Variants in TMEM44 observed in about 807,000 individuals in gnomAD.
TMEM44 encodes transmembrane protein 44.
Under a neutral mutation model 47.8 loss-of-function variants are expected in TMEM44, and 43 were observed. That is an observed-to-expected ratio of 0.90 (90% CI 0.70 to 1.16). The LOEUF (loss-of-function observed/expected upper bound fraction) is 1.16. TMEM44 is among the 50% of genes most tolerant of loss of function. The pLI is 0.00. For synonymous variants in TMEM44, 277 were observed against 238.8 expected (o/e 1.16, Z -1.48); for missense variants, 568 against 555.2 (o/e 1.02, Z -0.23).
intron 1 of TMEM44, chr3:194,632,797 C>T: frequency 9.4e-6 from 4 of 425,232 alleles, no homozygotes; most frequent in East Asian, 5.3e-5. Context: ...GAGTCAATGG[C>T]GAAGGGCTGA....
At chr3:194,630,497 T>C (rs58227854) in intron 1 of TMEM44, among the ~76,000 whole-genome samples, 2 of 14,796 alleles carry the variant, frequency 1.4e-4, no homozygotes, top group Non-Finnish European at 2.4e-4. Context: ...TGAAATAGTA[T>C]GCTGTCGTAC....
chr3:194,616,730 C>T (rs1484799172), intron 6 of TMEM44: 1 of 392,904 alleles, frequency 2.5e-6, no homozygotes, highest in Admixed American at 3.2e-5. Context: ...TTAGTCTCCA[C>T]TAAAAATAAC....
chr3:194,603,984 G>A (rs1714463341), intron 9 of TMEM44, among the ~76,000 whole-genome samples: 1 of 152,032 alleles, frequency 6.6e-6, no homozygotes, highest in Admixed American at 6.6e-5. Context: ...CTCCTGGGTA[G>A]CTGGGATAAC....
intron 9 of TMEM44, among the ~76,000 whole-genome samples, chr3:194,600,288 G>A (rs1179413752): frequency 2.6e-5 from 4 of 151,198 alleles, no homozygotes; most frequent in Admixed American, 6.6e-5. Context: ...CAGTAGAGAC[G>A]GGGTTTGTAT....
intron 9 of TMEM44, among the ~76,000 whole-genome samples, chr3:194,601,524 G>C (rs2410964): frequency 0.49 from 74,705 of 151,840 alleles, 20,181 homozygotes; most frequent in East Asian, 0.77. Flanking sequence ...GGCTGGTCTC[G>C]AACTCCGATC....
At chr3:194,607,668 G>A (rs551063652) in intron 8 of TMEM44, among the ~76,000 whole-genome samples, 5 of 152,202 alleles carry the variant, frequency 3.3e-5, no homozygotes, top group South Asian at 2.1e-4. Context: ...CTCAGGAGTC[G>A]GCTGTGGGGC....
chr3:194,598,963 AAC>A (rs1187864646), intron 9 of TMEM44, among the ~76,000 whole-genome samples: 2 of 152,228 alleles, frequency 1.3e-5, no homozygotes, highest in African/African-American at 4.8e-5. Flanking sequence ...GTTGGTGAGT[AAC>A]AGACAGACAA....
chr3:194,621,972 A>G (rs1716589648), intron 5 of TMEM44, among the ~76,000 whole-genome samples: 1 of 152,338 alleles, frequency 6.6e-6, no homozygotes, highest in Middle Eastern at 3.4e-3. Flanking sequence ...TCGGCCTCCC[A>G]AAGTGCTGGC....
chr3:194,590,028 T>C (rs924609535), intron 9 of TMEM44: 3 of 152,216 alleles, frequency 2.0e-5, no homozygotes, highest in Non-Finnish European at 4.4e-5. Flanking sequence ...AGACGATCTA[T>C]TTGGACAAGA....
At chr3:194,633,046 G>GCCCGACAGCCGCCCGACAGCCC (rs768667230) in intron 1 of TMEM44, 33 bp downstream of exon 1, 14 of 1,544,672 alleles carry the variant, frequency 9.1e-6, no homozygotes, top group South Asian at 6.0e-5. Flanking sequence ...CCGTTTCCCC[G>GCCCGACAGCCGCCCGACAGCCC]CCCGACAGCC....
chr3:194,599,688 G>T (rs1713851474), intron 9 of TMEM44, among the ~76,000 whole-genome samples: 1 of 150,056 alleles, frequency 6.7e-6, no homozygotes, highest in South Asian at 2.1e-4. Context: ...GGGTTCAAGT[G>T]ATTCTCCTGC....
chr3:194,618,524 A>G (rs1257901532), intron 5 of TMEM44, among the ~76,000 whole-genome samples: 2 of 145,522 alleles, frequency 1.4e-5, no homozygotes, highest in African/African-American at 5.0e-5. Context: ...ATATTTATAT[A>G]ATTTAGTTTT....
Position 194,610,594 on chromosome 3 carries a change from T to C in TMEM44, c.1017+322A>G, listed in dbSNP as rs79544664. Among the ~76,000 whole-genome samples, 614 of 152,178 alleles carry C rather than the reference T, an allele frequency of 4.0e-3. 6 individuals carry two copies. The highest frequency in any genetic ancestry group is 0.021 in the South Asian group (100 of 4,814). ...GCCTCCCACCCCAGAACCCCAAACC[T>C]CTTTTTCTTGATTTAGCCTAATATG... is the stretch of plus-strand genomic sequence containing the variant. On this transcript the variant is annotated intron_variant, in intron 8 of 9. Coordinates refer to ENST00000347147, the MANE Select transcript of TMEM44 (RefSeq NM_001011655.3).
At chr3:194,595,761 G>A (rs1186910804) in intron 9 of TMEM44, among the ~76,000 whole-genome samples, 2 of 152,164 alleles carry the variant, frequency 1.3e-5, no homozygotes, top group Admixed American at 1.3e-4. Context: ...GAGTAGCTGG[G>A]ATTACAGGCG....
chr3:194,593,815 T>C (rs562909535), intron 9 of TMEM44, among the ~76,000 whole-genome samples: 1 of 152,230 alleles, frequency 6.6e-6, no homozygotes, highest in East Asian at 1.9e-4. Flanking sequence ...AAAAATCAAT[T>C]AATTAATTTT....
chr3:194,628,258 T>C, intron 2 of TMEM44, 125 bp downstream of exon 2: 1 of 1,312,236 alleles, frequency 7.6e-7, no homozygotes, highest in Non-Finnish European at 1.0e-6. Context: ...GCACAGGTTC[T>C]GAGGTGACAC....
At position 194,628,419 on chromosome 3, in the gene TMEM44, G is replaced by A. The variant is rs1307762772; in HGVS notation, c.228C>T (p.Thr76=). 3.1e-6 allele frequency: 5 copies of A among 1,612,676 alleles called. No individual in the cohort carries two copies. The highest frequency in any genetic ancestry group is 2.2e-5 in the East Asian group (1 of 44,864). The change falls in exon 2 of 10, where the codon ACC becomes ACT. Residue 76 remains threonine (T), a synonymous_variant. Transcript: ENST00000347147. The part of the protein sequence containing the change: ...ACCLLTSLCD[T]VGALLARQLT... ...GCTGTCTGGCCAGAAGAGCCCCGAC[G>A]GTGTCACACAGACTGGTCAGGAGGC...
intron 7 of TMEM44, among the ~76,000 whole-genome samples, chr3:194,615,150 G>A (rs571007099): frequency 1.3e-5 from 2 of 152,278 alleles, no homozygotes; most frequent in East Asian, 1.9e-4. Flanking sequence ...GCTGAGGCAG[G>A]AGAATTACTT....
intron 3 of TMEM44, 80 bp from the exon 4 acceptor site, chr3:194,623,775 T>C: frequency 6.4e-7 from 1 of 1,570,994 alleles, no homozygotes; most frequent in South Asian, 1.2e-5. Flanking sequence ...GAAGAACTGG[T>C]GTCAGCTCCC....
Sources: allele counts gnomAD v4.1 joint callset (sites outside exome capture counted in the v4.1 genomes callset), GRCh38; gene constraint gnomAD v4.1.1; transcripts MANE v1.5; gene names NCBI Gene and HGNC (gene_info 2026-07-23, HGNC 2026-07-21).